Variants in SLC24A3 observed in about 807,000 individuals in gnomAD.
SLC24A3 encodes the protein solute carrier family 24 member 3.
In SLC24A3, 28 loss-of-function variants were observed where a neutral mutation model predicts 75.8. The observed-to-expected ratio is 0.37, with a 90% CI of 0.27 to 0.51. The LOEUF (loss-of-function observed/expected upper bound fraction) is 0.51. SLC24A3 is among the 20% of genes least tolerant of loss of function. The pLI is 0.94. For synonymous variants in SLC24A3, 372 were observed against 334.1 expected, an observed-to-expected ratio of 1.11 and a Z score of -1.24; for missense variants, 663 against 847.8, an observed-to-expected ratio of 0.78 and a Z score of 2.71.
chr20:19,606,768 C>T (rs1282540099), intron 6 of SLC24A3, among the ~76,000 whole-genome samples: 1 of 152,194 alleles, frequency 6.6e-6, no homozygotes, highest in Admixed American at 6.5e-5. Context: ...GCAGGAGGTC[C>T]AATCCCTCAT....
chr20:19,656,152 C>T lies in SLC24A3; in HGVS notation c.687+2016C>T, dbSNP rs146513941. Among the ~76,000 whole-genome samples, 833 of 152,264 alleles carry T rather than the reference C, an allele frequency of 5.5e-3. 1 individual carries two copies. The highest frequency in any genetic ancestry group is 0.014 in the Middle Eastern group (4 of 294). On this transcript the variant is annotated intron_variant, in intron 7 of 16. Coordinates refer to ENST00000328041, the MANE Select transcript of SLC24A3 (RefSeq NM_020689.4). ...GAGGGTTGACGTGAGATTTTCCCTG[C>T]GGAACCAGACAGGTACTTCAGTGAC...
chr20:19,456,267 CA>C (rs1443781343), intron 2 of SLC24A3, among the ~76,000 whole-genome samples: 1 of 152,138 alleles, frequency 6.6e-6, no homozygotes, highest in Non-Finnish European at 1.5e-5. Context: ...ATGTCTCCAC[CA>C]AAATCTCATC....
chr20:19,586,274 A>T (rs2031294671), intron 6 of SLC24A3, among the ~76,000 whole-genome samples: 1 of 152,184 alleles, frequency 6.6e-6, no homozygotes, highest in South Asian at 2.1e-4. Flanking sequence ...GCCAACTCTG[A>T]TATCCTAAAT....
chr20:19,435,080 A>G (rs1474721923), intron 2 of SLC24A3, among the ~76,000 whole-genome samples: 1 of 152,186 alleles, frequency 6.6e-6, no homozygotes, highest in African/African-American at 2.4e-5. Context: ...CCAGCTTTGG[A>G]TTTTGCCAAA....
intron 1 of SLC24A3, among the ~76,000 whole-genome samples, chr20:19,233,475 C>A (rs2122151411): frequency 6.6e-6 from 1 of 152,244 alleles, no homozygotes; most frequent in East Asian, 1.9e-4. Context: ...GTTTGTTTTC[C>A]AAACTTTTCT....
intron 2 of SLC24A3, among the ~76,000 whole-genome samples, chr20:19,373,800 A>G (rs1986030730): frequency 6.6e-6 from 1 of 152,030 alleles, no homozygotes; most frequent in Non-Finnish European, 1.5e-5. Context: ...CTGAATTTGG[A>G]GGCATCTACT....
rs74606794 is a variant in SLC24A3, at chr20:19,362,954, G to A, written c.271+81867G>A. 3.8e-3 allele frequency among the ~76,000 whole-genome samples: 578 copies of A among 152,338 alleles called. 3 individuals are homozygous for A. Among genetic ancestry groups the A allele is most frequent in the Middle Eastern group, 6.8e-3 (2 of 294 alleles). ...AATCACTCAGCAAACTTGCTGTGCC[G>A]TTTTCAAACACGGTTAAGTATTTGG... On this transcript the variant is annotated intron_variant, in intron 2 of 16. Coordinates refer to ENST00000328041, the MANE Select transcript of SLC24A3 (RefSeq NM_020689.4).
chr20:19,453,418 AC>A (rs1360640555), intron 2 of SLC24A3, among the ~76,000 whole-genome samples: 1 of 151,988 alleles, frequency 6.6e-6, no homozygotes, highest in Non-Finnish European at 1.5e-5. Context: ...TCTGCACTTG[AC>A]CCCAACAACA....
intron 2 of SLC24A3, among the ~76,000 whole-genome samples, chr20:19,286,344 A>G (rs563130247): frequency 4.7e-4 from 71 of 152,290 alleles, no homozygotes; most frequent in African/African-American, 1.5e-3. Flanking sequence ...CCTGTGGTCC[A>G]TAAACAAGAA....
At chr20:19,595,196 T>C (rs1373475860) in intron 6 of SLC24A3, among the ~76,000 whole-genome samples, 8 of 152,154 alleles carry the variant, frequency 5.3e-5, no homozygotes, top group Admixed American at 5.2e-4. Context: ...GCATGATGTG[T>C]CTAAGCAGAC....
Position 19,333,622 on chromosome 20 carries a change from AGTGT to A in SLC24A3, c.271+52551_271+52554del, listed in dbSNP as rs11471787. ...TGTTACTGGTGAGTCCAGTCTTGCTAGTGTGTGTGTGTGTGTGTGAGTGTGTGTG... is the reference window on the plus strand; with the variant it reads ...TGTTACTGGTGAGTCCAGTCTTGCTAGTGTGTGTGTGTGTGAGTGTGTGTG... On this transcript the variant is annotated intron_variant, in intron 2 of 16. Transcript: ENST00000328041. Among the ~76,000 whole-genome samples, 530 of 149,770 alleles carry A rather than the reference AGTGT, an allele frequency of 3.5e-3. 3 individuals carry two copies. The highest frequency in any genetic ancestry group is 0.015 in the South Asian group (72 of 4,716).
chr20:19,602,875 C>G (rs544493069), intron 6 of SLC24A3, among the ~76,000 whole-genome samples: 65 of 152,322 alleles, frequency 4.3e-4, no homozygotes, highest in African/African-American at 1.5e-3. Context: ...ACATGTCCGG[C>G]AAGCAGACCA....
At chr20:19,395,676 G>C (rs1259557702) in intron 2 of SLC24A3, among the ~76,000 whole-genome samples, 1 of 152,234 alleles carries the variant, frequency 6.6e-6, no homozygotes, top group African/African-American at 2.4e-5. Context: ...GCCAGAGGGG[G>C]ATGACCTGCA....
intron 3 of SLC24A3, among the ~76,000 whole-genome samples, chr20:19,532,407 T>A (rs1226501524): frequency 6.6e-6 from 1 of 152,168 alleles, no homozygotes; most frequent in Non-Finnish European, 1.5e-5. Context: ...CAGCCTCTGG[T>A]GCCCAAGTCC....
intron 2 of SLC24A3, among the ~76,000 whole-genome samples, chr20:19,425,361 C>G (rs1336040157): frequency 6.6e-6 from 1 of 152,098 alleles, no homozygotes; most frequent in Non-Finnish European, 1.5e-5. Context: ...TAATGACCAG[C>G]CCCCGGCCTT....
intron 2 of SLC24A3, among the ~76,000 whole-genome samples, chr20:19,374,773 C>T (rs1040373733): frequency 2.6e-5 from 4 of 152,158 alleles, no homozygotes; most frequent in Non-Finnish European, 5.9e-5. Context: ...TGATCATATT[C>T]TTCACCCATT....
intron 2 of SLC24A3, among the ~76,000 whole-genome samples, chr20:19,346,302 GTA>G (rs368853257): frequency 0.012 from 614 of 49,270 alleles, 44 homozygotes; most frequent in African/African-American, 0.033. Context: ...TATATATGGT[GTA>G]TATATATATA....
chr20:19,696,646 T>G (rs1303489324), intron 13 of SLC24A3, 151 bp from the exon 14 acceptor site: 1 of 556,982 alleles, frequency 1.8e-6, no homozygotes, highest in Non-Finnish European at 3.3e-6. Flanking sequence ...CACATAGTGT[T>G]TGTCACCCTC....
At chr20:19,281,597 A>G (rs539406874) in intron 2 of SLC24A3, among the ~76,000 whole-genome samples, 133 of 152,254 alleles carry the variant, frequency 8.7e-4, no homozygotes, top group Admixed American at 1.2e-3. Context: ...AGAAATATAT[A>G]TGGAACATTC....
Sources: gnomAD v4.1 joint callset for allele counts (sites outside exome capture counted in the v4.1 genomes callset) on GRCh38, gnomAD v4.1.1 for gene constraint, MANE v1.5 for transcripts, NCBI Gene and HGNC (gene_info 2026-07-23, HGNC 2026-07-21) for gene names.